The following C11orf96 variants were observed in gnomAD, a reference collection of about 807,000 sequenced individuals.
C11orf96 encodes uncharacterized protein C11orf96.
A neutral mutation model predicts 7.6 loss-of-function variants in C11orf96; 6 were observed. The ratio of observed to expected loss-of-function variants is 0.79; its 90% CI spans 0.43 to 1.55. The LOEUF is 1.55. Among genes scored for constraint, C11orf96 ranks in the 40% most tolerant of loss-of-function variants. C11orf96 has a pLI of 0.01. For missense variants in C11orf96, 150 were observed against 167.3 expected (o/e 0.90, Z 0.57); for synonymous variants, 72 against 79.0 (o/e 0.91, Z 0.47).
Position 43,943,501 on chromosome 11 carries a change from A to T in C11orf96, c.*228A>T, listed in dbSNP as rs1463507506. 1 of 1,370,462 alleles carries T rather than the reference A, an allele frequency of 7.3e-7. No individual in the cohort carries two copies. Among genetic ancestry groups the T allele is most frequent in the Non-Finnish European group, 9.7e-7 (1 of 1,033,820 alleles). 84.9% of individuals were successfully genotyped at this position (1,370,462 alleles called of 1,614,324 possible). A position where few individuals can be genotyped will look rare whatever the true frequency, so the allele number is the denominator to read the frequency against. On this transcript the variant is annotated 3_prime_UTR_variant, in exon 1 of 1. Transcript: ENST00000617612. This position sits in a 1 kb window ranked among gnomAD's most constrained non-coding sequence, Gnocchi z 4.8. ...GCGGGGCCGCTTTCCTCGTCCTTGT[A>T]AATGTTTATTTTTTAACTCTTCCCA...
chr11:43,943,652 C>A lies in C11orf96; in HGVS notation c.*379C>A, dbSNP rs1952131079. The A allele has an allele frequency of 7.7e-7, 1 of 1,305,212 alleles. No individual in the cohort carries two copies. Among genetic ancestry groups the A allele is most frequent in the African/African-American group, 1.5e-5 (1 of 66,058 alleles). 80.9% of individuals were successfully genotyped at this position (1,305,212 alleles called of 1,614,324 possible). On this transcript the variant is annotated 3_prime_UTR_variant, in exon 1 of 1. Coordinates refer to ENST00000617612, the MANE Select transcript of C11orf96 (RefSeq NM_001145033.2). The surrounding 1 kb of genome is among the most constrained non-coding windows in gnomAD (Gnocchi z 4.8). ...TTTGCACACCGCTCCACCGTGCCCC[C>A]CAGCGCACACCCATTCACACTCACG...
In C11orf96 at chr11:43,943,366, G is replaced by A. The variant is rs574884322; in HGVS notation, c.*93G>A. On this transcript the variant is annotated 3_prime_UTR_variant, in exon 1 of 1. Transcript: ENST00000617612. This position sits in a 1 kb window ranked among gnomAD's most constrained non-coding sequence, Gnocchi z 4.8. ...GAGTGCCCGCGCCCTGCTCCCGGGG[G>A]ACCCGCAAGGACCCGGGACCGCCGC... The A allele has an allele frequency of 2.7e-5, 37 of 1,384,570 alleles. No individual in the cohort carries two copies. The Middle Eastern group carries it at 6.9e-4, about 26-fold the overall frequency. 85.8% of individuals were successfully genotyped at this position (1,384,570 alleles called of 1,614,324 possible).
Position 43,943,784 on chromosome 11 carries a change from T to C in C11orf96, c.*511T>C, listed in dbSNP as rs749051169. 5.4e-6 allele frequency: 7 copies of C among 1,304,032 alleles called. No individual in the cohort carries two copies. In the South Asian group the frequency reaches 7.4e-5, roughly 14 times the overall value. The allele number at this position is 1,304,032 out of a possible 1,614,324, so 80.8% of individuals were successfully genotyped here. A position where few individuals can be genotyped will look rare whatever the true frequency, so the allele number is the denominator to read the frequency against. On this transcript the variant is annotated 3_prime_UTR_variant, in exon 1 of 1. Coordinates refer to ENST00000617612, the MANE Select transcript of C11orf96 (RefSeq NM_001145033.2). This position sits in a 1 kb window ranked among gnomAD's most constrained non-coding sequence, Gnocchi z 4.8. ...GGAGGATTGATATTTATTTTTGCAT[T>C]GCGATGGCTGAAGGCATTTATTTAA...
In C11orf96 at chr11:43,943,110, AG is replaced by A. The variant is rs1188304596; in HGVS notation, c.211del (p.Val71CysfsTer39). The A allele has an allele frequency of 4.0e-6, 6 of 1,498,448 alleles. No individual in the cohort carries two copies. Among genetic ancestry groups the A allele is most frequent in the Middle Eastern group, 1.7e-4 (1 of 5,806 alleles). 92.8% of individuals were successfully genotyped at this position (1,498,448 alleles called of 1,614,324 possible). A position where few individuals can be genotyped will look rare whatever the true frequency, so the allele number is the denominator to read the frequency against. On this transcript the variant is annotated frameshift_variant, in exon 1 of 1. Transcript: ENST00000617612. LOFTEE classifies it high-confidence loss of function. This position sits in a 1 kb window ranked among gnomAD's most constrained non-coding sequence, Gnocchi z 4.8. Reference sequence around the variant, plus strand: ...GACGAGATCCAGGAGGTGGAGGAGGAGGGGGTGTCCCCCATGGAGGAGGAGA... The same window carrying A: ...GACGAGATCCAGGAGGTGGAGGAGGAGGGGTGTCCCCCATGGAGGAGGAGA... ...TFDEIQEVEE[E>X]GVSPMEEEKA...
Position 43,942,903 on chromosome 11 carries a change from C to T in C11orf96, c.-2C>T, listed in dbSNP as rs2135230525. ...CCCGGCCCCGCAGACGCCGGAGGCG[C>T]CATGGCCGCCAAGCCCGGCGAGCTG... On this transcript the variant is annotated 5_prime_UTR_variant, in exon 1 of 1. Transcript: ENST00000617612. 5.8e-6 allele frequency: 8 copies of T among 1,386,252 alleles called. No individual in the cohort carries two copies. The South Asian group carries it at 9.5e-5, about 16-fold the overall frequency. 85.9% of individuals were successfully genotyped at this position (1,386,252 alleles called of 1,614,324 possible).
At position 43,943,341 on chromosome 11, in the gene C11orf96, G is replaced by A. The variant is rs1238210276; in HGVS notation, c.*68G>A. The A allele has an allele frequency of 3.6e-6, 5 of 1,407,962 alleles. No individual in the cohort carries two copies. In the Admixed American group the frequency reaches 1.5e-4, roughly 41 times the overall value. The allele number at this position is 1,407,962 out of a possible 1,614,324, so 87.2% of individuals were successfully genotyped here. A position where few individuals can be genotyped will look rare whatever the true frequency, so the allele number is the denominator to read the frequency against. ...GCGGGGACCGGCGTGTGAACCCCGA[G>A]AGTGCCCGCGCCCTGCTCCCGGGGG... On this transcript the variant is annotated 3_prime_UTR_variant, in exon 1 of 1. Coordinates refer to ENST00000617612, the MANE Select transcript of C11orf96 (RefSeq NM_001145033.2). This position sits in a 1 kb window ranked among gnomAD's most constrained non-coding sequence, Gnocchi z 4.8.
At position 43,943,325 on chromosome 11, in the gene C11orf96, G is replaced by C; in HGVS notation, c.*52G>C. 7.0e-7 allele frequency: 1 copy of C among 1,429,316 alleles called. No individual in the cohort carries two copies. The highest frequency in any genetic ancestry group is 9.1e-7 in the Non-Finnish European group (1 of 1,097,852). The allele number at this position is 1,429,316 out of a possible 1,614,324, so 88.5% of individuals were successfully genotyped here. ...CGCGTCCGCGGTCCGCGCGGGGACCGGCGTGTGAACCCCGAGAGTGCCCGC... is the reference window on the plus strand; with the variant it reads ...CGCGTCCGCGGTCCGCGCGGGGACCCGCGTGTGAACCCCGAGAGTGCCCGC... On this transcript the variant is annotated 3_prime_UTR_variant, in exon 1 of 1. Transcript: ENST00000617612. The surrounding 1 kb of genome is among the most constrained non-coding windows in gnomAD (Gnocchi z 4.8).
Position 43,943,370 on chromosome 11 carries a change from C to T in C11orf96, c.*97C>T, listed in dbSNP as rs1952128609. The T allele has an allele frequency of 2.2e-6, 3 of 1,388,956 alleles. No homozygotes were observed. The highest frequency in any genetic ancestry group is 3.1e-5 in the African/African-American group (2 of 64,656). The allele number at this position is 1,388,956 out of a possible 1,614,324, so 86.0% of individuals were successfully genotyped here. ...GCCCGCGCCCTGCTCCCGGGGGACC[C>T]GCAAGGACCCGGGACCGCCGCTCCT... On this transcript the variant is annotated 3_prime_UTR_variant, in exon 1 of 1. Transcript: ENST00000617612. The surrounding 1 kb of genome is among the most constrained non-coding windows in gnomAD (Gnocchi z 4.8).
Position 43,943,862 on chromosome 11 carries a change from G to C in C11orf96, c.*589G>C. 7.9e-7 allele frequency: 1 copy of C among 1,271,082 alleles called. No homozygotes were observed. Among genetic ancestry groups the C allele is most frequent in the East Asian group, 5.6e-5 (1 of 17,824 alleles). 78.7% of individuals were successfully genotyped at this position (1,271,082 alleles called of 1,614,324 possible). On this transcript the variant is annotated 3_prime_UTR_variant, in exon 1 of 1. Transcript: ENST00000617612. The surrounding 1 kb of genome is among the most constrained non-coding windows in gnomAD (Gnocchi z 4.8). Reference sequence around the variant, plus strand: ...AGGCTCCTGAAAGGAGACAAATAAAGTCAATATATTTGCACAGTGCAGTTT... The same window carrying C: ...AGGCTCCTGAAAGGAGACAAATAAACTCAATATATTTGCACAGTGCAGTTT...
At position 43,943,554 on chromosome 11, in the gene C11orf96, G is replaced by A. The variant is rs1952130185; in HGVS notation, c.*281G>A. On this transcript the variant is annotated 3_prime_UTR_variant, in exon 1 of 1. Coordinates refer to ENST00000617612, the MANE Select transcript of C11orf96 (RefSeq NM_001145033.2). The surrounding 1 kb of genome is among the most constrained non-coding windows in gnomAD (Gnocchi z 4.8). The stretch of plus-strand genomic sequence containing the variant: ...GCGAACTCTGCTGTGAGTGTGTGCG[G>A]GGAGGCGCGCCCGCGCTGAGTCGGC... The A allele has an allele frequency of 7.6e-7, 1 of 1,317,680 alleles. No individual in the cohort carries two copies. The highest frequency in any genetic ancestry group is 2.1e-4 in the Middle Eastern group (1 of 4,780). The allele number at this position is 1,317,680 out of a possible 1,614,324, so 81.6% of individuals were successfully genotyped here.
rs529007038 is a variant in C11orf96 at position 43,943,490 on chromosome 11, C to G, written c.*217C>G. 1 of 1,386,798 alleles carries G rather than the reference C, an allele frequency of 7.2e-7. No individual in the cohort carries two copies. The highest frequency in any genetic ancestry group is 2.2e-5 in the Admixed American group (1 of 46,132). 85.9% of individuals were successfully genotyped at this position (1,386,798 alleles called of 1,614,324 possible). A position where few individuals can be genotyped will look rare whatever the true frequency, so the allele number is the denominator to read the frequency against. ...GAGCGCCGGGAGCGGGGCCGCTTTC[C>G]TCGTCCTTGTAAATGTTTATTTTTT... is the stretch of plus-strand genomic sequence containing the variant. On this transcript the variant is annotated 3_prime_UTR_variant, in exon 1 of 1. Transcript: ENST00000617612. The surrounding 1 kb of genome is among the most constrained non-coding windows in gnomAD (Gnocchi z 4.8).
chr11:43,942,932 G>C lies in C11orf96; in HGVS notation c.28G>C (p.Gly10Arg), dbSNP rs1436686440. 7.0e-7 allele frequency: 1 copy of C among 1,433,168 alleles called. No homozygotes were observed. The highest frequency in any genetic ancestry group is 9.1e-7 in the Non-Finnish European group (1 of 1,094,650). 88.8% of individuals were successfully genotyped at this position (1,433,168 alleles called of 1,614,324 possible). MAAKPGELM[G>R]ICSSYQAVMP... is the part of the protein sequence containing the mutation. ...GGCCGCCAAGCCCGGCGAGCTGATG[G>C]GCATCTGCTCCAGTTACCAGGCGGT... The change falls in exon 1 of 1, where the codon GGC becomes CGC. Residue 10 changes from glycine (G) to arginine (R), a missense_variant. This residue lies in a region of C11orf96 where 77 missense variants were observed against 80.5 expected (regional missense o/e 0.96). Transcript: ENST00000617612.
Position 43,943,024 on chromosome 11 carries a change from G to T in C11orf96, c.120G>T (p.Lys40Asn). The change falls in exon 1 of 1, where the codon AAG (lysine) becomes AAT (asparagine). Residue 40 changes from lysine (K) to asparagine (N), a missense_variant. Around this residue, in one of 3 missense-constraint regions of C11orf96, gnomAD observed 77 missense variants for 80.5 expected, o/e 0.96. Transcript: ENST00000617612. This position sits in a 1 kb window ranked among gnomAD's most constrained non-coding sequence, Gnocchi z 4.8. ...CCGTGCGGCCCGCCAAGCTGCCCAA[G>T]GGCCGGGGCCGGCTGCGGCGGCCGC... is the stretch of plus-strand genomic sequence containing the variant. ...PQPVRPAKLP[K>N]GRGRLRRPRQ... 3 of 1,505,200 alleles carry T rather than the reference G, an allele frequency of 2.0e-6. No homozygotes were observed. The highest frequency in any genetic ancestry group is 2.7e-6 in the Non-Finnish European group (3 of 1,126,676). The allele number at this position is 1,505,200 out of a possible 1,614,324, so 93.2% of individuals were successfully genotyped here. A position where few individuals can be genotyped will look rare whatever the true frequency, so the allele number is the denominator to read the frequency against.
rs1358617113 is a variant in C11orf96, at chr11:43,942,949, C to T, written c.45C>T (p.Tyr15=). Residue 15 remains tyrosine, a synonymous_variant, in exon 1 of 1, where the codon TAC becomes TAT. Coordinates refer to ENST00000617612, the MANE Select transcript of C11orf96 (RefSeq NM_001145033.2). ...PGELMGICSS[Y]QAVMPHFVCL... ...AGCTGATGGGCATCTGCTCCAGTTACCAGGCGGTGATGCCGCACTTCGTGT... is the reference window on the plus strand; with the variant it reads ...AGCTGATGGGCATCTGCTCCAGTTATCAGGCGGTGATGCCGCACTTCGTGT... The T allele has an allele frequency of 2.7e-6, 4 of 1,472,096 alleles. No homozygotes were observed. Among genetic ancestry groups the T allele is most frequent in the Non-Finnish European group, 3.6e-6 (4 of 1,115,006 alleles). The allele number at this position is 1,472,096 out of a possible 1,614,324, so 91.2% of individuals were successfully genotyped here. A position where few individuals can be genotyped will look rare whatever the true frequency, so the allele number is the denominator to read the frequency against.
Position 43,943,357 on chromosome 11 carries a change from C to A in C11orf96, c.*84C>A. On this transcript the variant is annotated 3_prime_UTR_variant, in exon 1 of 1. Coordinates refer to ENST00000617612, the MANE Select transcript of C11orf96 (RefSeq NM_001145033.2). The surrounding 1 kb of genome is among the most constrained non-coding windows in gnomAD (Gnocchi z 4.8). ...GAACCCCGAGAGTGCCCGCGCCCTG[C>A]TCCCGGGGGACCCGCAAGGACCCGG... 2 of 1,392,928 alleles carry A rather than the reference C, an allele frequency of 1.4e-6. No individual in the cohort carries two copies. The highest frequency in any genetic ancestry group is 3.8e-5 in the Admixed American group (1 of 26,442). The allele number at this position is 1,392,928 out of a possible 1,614,324, so 86.3% of individuals were successfully genotyped here. A position where few individuals can be genotyped will look rare whatever the true frequency, so the allele number is the denominator to read the frequency against.
Position 43,943,562 on chromosome 11 carries a change from C to T in C11orf96, c.*289C>T. The T allele has an allele frequency of 7.6e-7, 1 of 1,316,194 alleles. No individual in the cohort carries two copies. The highest frequency in any genetic ancestry group is 1.2e-5 in the South Asian group (1 of 81,138). The allele number at this position is 1,316,194 out of a possible 1,614,324, so 81.5% of individuals were successfully genotyped here. A position where few individuals can be genotyped will look rare whatever the true frequency, so the allele number is the denominator to read the frequency against. The stretch of plus-strand genomic sequence containing the variant: ...TGCTGTGAGTGTGTGCGGGGAGGCG[C>T]GCCCGCGCTGAGTCGGCGGCGGGTA... On this transcript the variant is annotated 3_prime_UTR_variant, in exon 1 of 1. Coordinates refer to ENST00000617612, the MANE Select transcript of C11orf96 (RefSeq NM_001145033.2). The surrounding 1 kb of genome is among the most constrained non-coding windows in gnomAD (Gnocchi z 4.8).
Position 43,942,928 on chromosome 11 carries a change from G to C in C11orf96, c.24G>C (p.Leu8=). 7 of 1,430,260 alleles carry C rather than the reference G, an allele frequency of 4.9e-6. No individual in the cohort carries two copies. Among genetic ancestry groups the C allele is most frequent in the Non-Finnish European group, 6.4e-6 (7 of 1,093,208 alleles). The allele number at this position is 1,430,260 out of a possible 1,614,324, so 88.6% of individuals were successfully genotyped here. A position where few individuals can be genotyped will look rare whatever the true frequency, so the allele number is the denominator to read the frequency against. Residue 8 remains leucine, a synonymous_variant, in exon 1 of 1, where the codon CTG becomes CTC. Coordinates refer to ENST00000617612, the MANE Select transcript of C11orf96 (RefSeq NM_001145033.2). Reference sequence around the variant, plus strand: ...CCATGGCCGCCAAGCCCGGCGAGCTGATGGGCATCTGCTCCAGTTACCAGG... The same window carrying C: ...CCATGGCCGCCAAGCCCGGCGAGCTCATGGGCATCTGCTCCAGTTACCAGG... MAAKPGE[L]MGICSSYQAV...
Position 43,943,286 on chromosome 11 carries a change from G to C in C11orf96, c.*13G>C, listed in dbSNP as rs772974725. 31 of 1,477,016 alleles carry C rather than the reference G, an allele frequency of 2.1e-5. No homozygotes were observed. Among genetic ancestry groups the C allele is most frequent in the Non-Finnish European group, 2.8e-5 (31 of 1,118,032 alleles). 91.5% of individuals were successfully genotyped at this position (1,477,016 alleles called of 1,614,324 possible). ...CTCGGCCCTGTAAGGGGCGCCGCCCGCGGGGGGGACGCGCGCGTCCGCGGT... is the reference window on the plus strand; with the variant it reads ...CTCGGCCCTGTAAGGGGCGCCGCCCCCGGGGGGGACGCGCGCGTCCGCGGT... On this transcript the variant is annotated 3_prime_UTR_variant, in exon 1 of 1. Coordinates refer to ENST00000617612, the MANE Select transcript of C11orf96 (RefSeq NM_001145033.2). The surrounding 1 kb of genome is among the most constrained non-coding windows in gnomAD (Gnocchi z 4.8).
Position 43,943,500 on chromosome 11 carries a change from T to C in C11orf96, c.*227T>C, listed in dbSNP as rs898650192. 1 of 1,369,586 alleles carries C rather than the reference T, an allele frequency of 7.3e-7. No homozygotes were observed. Among genetic ancestry groups the C allele is most frequent in the African/African-American group, 1.5e-5 (1 of 67,812 alleles). 84.8% of individuals were successfully genotyped at this position (1,369,586 alleles called of 1,614,324 possible). A position where few individuals can be genotyped will look rare whatever the true frequency, so the allele number is the denominator to read the frequency against. On this transcript the variant is annotated 3_prime_UTR_variant, in exon 1 of 1. Coordinates refer to ENST00000617612, the MANE Select transcript of C11orf96 (RefSeq NM_001145033.2). The surrounding 1 kb of genome is among the most constrained non-coding windows in gnomAD (Gnocchi z 4.8). ...AGCGGGGCCGCTTTCCTCGTCCTTG[T>C]AAATGTTTATTTTTTAACTCTTCCC...
Sources: gnomAD v4.1 joint callset for allele counts on GRCh38, gnomAD v4.1.1 for gene constraint, gnomAD v4.1.1 regional missense constraint, Gnocchi (gnomAD v3.1) non-coding constraint, MANE v1.5 for transcripts, NCBI Gene and HGNC (gene_info 2026-07-23, HGNC 2026-07-21) for gene names.